The following CLASP1 variants were observed in gnomAD, a reference collection of about 807,000 sequenced individuals.
CLASP1 encodes CLIP-associating protein 1.
In CLASP1, 38 loss-of-function variants were observed where a neutral mutation model predicts 192.3. The ratio of observed to expected loss-of-function variants is 0.20; its 90% CI spans 0.15 to 0.26. The LOEUF is 0.26. Ranked by LOEUF, CLASP1 falls within the 10% of genes least tolerant of loss-of-function variation. The pLI, the probability that CLASP1 is intolerant of heterozygous loss-of-function variation, is 1.00. For missense variants in CLASP1, 1,433 were observed against 1,932.5 expected (o/e 0.74, Z 4.85); for synonymous variants, 691 against 712.8 (o/e 0.97, Z 0.49).
intron 1 of CLASP1, among the ~76,000 whole-genome samples, chr2:121,620,255 GGGCCAGT>G: frequency 6.6e-6 from 1 of 151,814 alleles, no homozygotes; most frequent in Non-Finnish European, 1.5e-5. Context: ...AGAATTAGCA[GGGCCAGT>G]GGCACATGTC....
At chr2:121,371,916 T>C (rs1388384481) in intron 34 of CLASP1, among the ~76,000 whole-genome samples, 2 of 152,216 alleles carry the variant, frequency 1.3e-5, no homozygotes, top group East Asian at 3.9e-4. Context: ...CCTCAACTTC[T>C]TCACCCACTG....
chr2:121,402,470 G>A, intron 26 of CLASP1: 1 of 436,196 alleles, frequency 2.3e-6, no homozygotes, highest in Non-Finnish European at 4.5e-6. Flanking sequence ...TTCTAGCACA[G>A]CAACTATTCA....
chr2:121,534,345 C>T (rs1322872061), intron 2 of CLASP1, among the ~76,000 whole-genome samples: 8 of 152,200 alleles, frequency 5.3e-5, no homozygotes, highest in African/African-American at 1.7e-4. Flanking sequence ...TTCACAGGGA[C>T]TGCAGCCCAG....
intron 25 of CLASP1, among the ~76,000 whole-genome samples, chr2:121,405,442 C>T (rs6751025): frequency 0.042 from 6,390 of 152,260 alleles, 170 homozygotes; most frequent in East Asian, 0.14. Flanking sequence ...TACCTTCTAC[C>T]GTACCTAGGA....
intron 39 of CLASP1, among the ~76,000 whole-genome samples, chr2:121,345,153 A>G (rs180957387): frequency 3.3e-4 from 50 of 152,332 alleles, no homozygotes; most frequent in Admixed American, 2.5e-3. Context: ...TATAAAAATA[A>G]TAACAATAAA....
intron 34 of CLASP1, 86 bp from the exon 36 acceptor site, chr2:121,367,917 G>A (rs1449775663): frequency 1.3e-6 from 2 of 1,531,372 alleles, no homozygotes; most frequent in African/African-American, 1.4e-5. Context: ...GAAGGCCAGA[G>A]ATTTTCACTT....
At chr2:121,406,994 G>A (rs1305044094) in intron 25 of CLASP1, among the ~76,000 whole-genome samples, 2 of 152,174 alleles carry the variant, frequency 1.3e-5, no homozygotes, top group African/African-American at 4.8e-5. Flanking sequence ...AAGGCAGCCA[G>A]ATCACGAGGT....
intron 23 of CLASP1, among the ~76,000 whole-genome samples, chr2:121,415,639 A>G (rs2078447638): frequency 6.6e-6 from 1 of 152,242 alleles, no homozygotes; most frequent in African/African-American, 2.4e-5. Context: ...ACCTCAGGAA[A>G]AACAAAAGAT....
intron 2 of CLASP1, among the ~76,000 whole-genome samples, chr2:121,586,833 C>T (rs1270391593): frequency 6.6e-6 from 1 of 152,166 alleles, no homozygotes; most frequent in South Asian, 2.1e-4. Context: ...TACTGTGAAG[C>T]GCACTGCTTT....
At chr2:121,385,903 C>T (rs887138825) in intron 32 of CLASP1, among the ~76,000 whole-genome samples, 2 of 152,160 alleles carry the variant, frequency 1.3e-5, no homozygotes, top group African/African-American at 4.8e-5. Context: ...TTAATTGTAA[C>T]AGCCTGTTGA....
intron 9 of CLASP1, 66 bp from the exon 10 acceptor site, chr2:121,462,671 A>C: frequency 1.1e-6 from 1 of 880,562 alleles, no homozygotes. Context: ...ACACTGAAGA[A>C]GTCTAAACAT....
Position 121,609,214 on chromosome 2 carries a change from G to A in CLASP1, c.-285-3034C>T, listed in dbSNP as rs148304632. On this transcript the variant is annotated intron_variant, in intron 1 of 39. Transcript: ENST00000263710. The stretch of plus-strand genomic sequence containing the variant: ...GTAAACACTAGGAAAGTTCCCATTC[G>A]TTCAAGTCTCCCTACTGTGATTTAT... Among the ~76,000 whole-genome samples, 104 of 152,244 alleles carry A rather than the reference G, an allele frequency of 6.8e-4. 2 individuals carry two copies. The highest frequency in any genetic ancestry group is 2.4e-3 in the African/African-American group (98 of 41,540).
chr2:121,525,807 A>T, intron 6 of CLASP1, 38 bp downstream of exon 6: 1 of 1,458,362 alleles, frequency 6.9e-7, no homozygotes, highest in Non-Finnish European at 9.6e-7. Context: ...ACAGTCTGTA[A>T]GCAATGACTT....
At chr2:121,482,136 C>T (rs1468525651) in intron 8 of CLASP1, among the ~76,000 whole-genome samples, 1 of 152,026 alleles carries the variant, frequency 6.6e-6, no homozygotes, top group African/African-American at 2.4e-5. Context: ...TCAGGAATAC[C>T]CTGGGCTACC....
chr2:121,530,221 T>TGC lies in CLASP1; in HGVS notation c.274+25_274+26insGC, dbSNP rs776004777. 1.2e-4 allele frequency: 182 copies of TGC among 1,540,454 alleles called. 3 individuals are homozygous for TGC. The South Asian group carries it at 2.1e-3, about 18-fold the overall frequency. ...AGGCTGGGGGTCTGAAGGGGCCGGG[T>TGC]CCGCTCCACAAGTGCCGCAGCTCAC... is the stretch of plus-strand genomic sequence containing the variant. On this transcript the variant is annotated intron_variant, in intron 3 of 39. Coordinates refer to ENST00000263710, the Ensembl canonical transcript of CLASP1.
At chr2:121,604,034 T>C (rs541474599) in intron 2 of CLASP1, among the ~76,000 whole-genome samples, 54 of 152,286 alleles carry the variant, frequency 3.5e-4, no homozygotes, top group Middle Eastern at 3.4e-3. Flanking sequence ...TTAATAGTAA[T>C]ATAGTTTCAA....
At chr2:121,558,344 C>T (rs1433901502) in intron 2 of CLASP1, among the ~76,000 whole-genome samples, 1 of 152,054 alleles carries the variant, frequency 6.6e-6, no homozygotes, top group Non-Finnish European at 1.5e-5. Flanking sequence ...AAAAGAAATC[C>T]TCCAGGCATC....
intron 24 of CLASP1, among the ~76,000 whole-genome samples, chr2:121,410,325 C>T (rs1559081191): frequency 1.3e-5 from 2 of 152,044 alleles, no homozygotes; most frequent in Non-Finnish European, 2.9e-5. Flanking sequence ...AGATATTACA[C>T]TATAATGATG....
At chr2:121,500,492 G>C (rs1001691814) in intron 8 of CLASP1, among the ~76,000 whole-genome samples, 1 of 151,538 alleles carries the variant, frequency 6.6e-6, no homozygotes, top group African/African-American at 2.4e-5. Flanking sequence ...GAGAAAAAGA[G>C]GAGGAGGAGA....
Sources: gnomAD v4.1 joint callset for allele counts (sites outside exome capture counted in the v4.1 genomes callset) on GRCh38, gnomAD v4.1.1 for gene constraint, MANE v1.5 for transcripts, NCBI Gene and HGNC (gene_info 2026-07-23, HGNC 2026-07-21) for gene names.